The following DYNC2LI1 variants were observed in gnomAD, a reference collection of about 807,000 sequenced individuals.
DYNC2LI1 encodes cytoplasmic dynein 2 light intermediate chain 1.
In DYNC2LI1, 45 loss-of-function variants were observed where a neutral mutation model predicts 51.9. The ratio of observed to expected loss-of-function variants is 0.87; its 90% CI spans 0.68 to 1.11. The LOEUF (loss-of-function observed/expected upper bound fraction) is 1.11. Ranked by LOEUF, DYNC2LI1 falls within the 50% of genes most tolerant of loss-of-function variation. The pLI is 0.00. For synonymous variants in DYNC2LI1, 130 were observed against 137.8 expected, an observed-to-expected ratio of 0.94 and a Z score of 0.40; for missense variants, 490 against 417.4, an observed-to-expected ratio of 1.17 and a Z score of -1.51.
chr2:43,811,302 A>G (rs1476858736), downstream of DYNC2LI1, among the ~76,000 whole-genome samples: 1 of 152,244 alleles, frequency 6.6e-6, no homozygotes, highest in East Asian at 1.9e-4. Flanking sequence ...AAAATTGACA[A>G]TACTAGTCTG....
intron 5 of DYNC2LI1, chr2:43,793,326 T>G (rs1408959719): frequency 6.6e-6 from 1 of 152,084 alleles, no homozygotes; most frequent in Non-Finnish European, 1.5e-5. Context: ...ATACAAAAAT[T>G]AGCCGGATGT....
At chr2:43,792,567 A>G in intron 5 of DYNC2LI1, 1 of 1,128,018 alleles carries the variant, frequency 8.9e-7, no homozygotes, top group Non-Finnish European at 1.2e-6. Context: ...TGTGCAGTTC[A>G]GTAACATCAA....
the DYNC2LI1 span, among the ~76,000 whole-genome samples, chr2:43,819,042 A>C: frequency 6.6e-6 from 1 of 152,194 alleles, no homozygotes; most frequent in Non-Finnish European, 1.5e-5. Flanking sequence ...TTCTTATCTG[A>C]AAATGGATTG....
intron 5 of DYNC2LI1, chr2:43,793,207 C>T: frequency 6.5e-6 from 1 of 153,192 alleles, no homozygotes; most frequent in Non-Finnish European, 1.5e-5. Context: ...GGAGTGGTGG[C>T]TTACACCTGT....
At position 43,800,435 on chromosome 2, in the gene DYNC2LI1, A is replaced by G. The variant is rs1344486750; in HGVS notation, c.655-406A>G. 2.0e-5 allele frequency among the ~76,000 whole-genome samples: 3 copies of G among 152,330 alleles called. No individual in the cohort carries two copies. In the South Asian group the frequency reaches 6.2e-4, roughly 32 times the overall value. ...TGGATGTGAAAGCTACTTTTGAGGT[A>G]TACCTCTTATTTTCTAACCAACCCA... On this transcript the variant is annotated intron_variant, in intron 8 of 12. Coordinates refer to ENST00000260605, the MANE Select transcript of DYNC2LI1 (RefSeq NM_016008.4).
At chr2:43,794,767 G>C (rs1368965610) in intron 6 of DYNC2LI1, 124 bp downstream of exon 6, 1 of 1,540,840 alleles carries the variant, frequency 6.5e-7, no homozygotes, top group East Asian at 2.4e-5. Flanking sequence ...AGATGAACCT[G>C]TTCACTGGAA....
chr2:43,777,362 G>A (rs1203586996), intron 2 of DYNC2LI1, among the ~76,000 whole-genome samples: 1 of 152,152 alleles, frequency 6.6e-6, no homozygotes, highest in Non-Finnish European at 1.5e-5. Context: ...CCACTGATTG[G>A]TAGGAAGGGA....
the DYNC2LI1 span, chr2:43,827,902 G>T: frequency 6.3e-7 from 1 of 1,589,770 alleles, no homozygotes; most frequent in Non-Finnish European, 8.6e-7. Context: ...AATGAGGACC[G>T]TGAAGAAAGG....
At chr2:43,784,820 A>C (rs889381582) in intron 3 of DYNC2LI1, among the ~76,000 whole-genome samples, 10 of 152,172 alleles carry the variant, frequency 6.6e-5, no homozygotes, top group African/African-American at 1.9e-4. Context: ...AGATCTTATG[A>C]ATTTTGTCTT....
intron 11 of DYNC2LI1, 49 bp from the exon 12 acceptor site, chr2:43,805,105 T>G: frequency 8.1e-7 from 1 of 1,233,188 alleles, no homozygotes; most frequent in East Asian, 2.4e-5. Flanking sequence ...TGGTAGCCAT[T>G]GAATTTTGGT....
intron 8 of DYNC2LI1, 142 bp downstream of exon 8, chr2:43,796,937 C>G: frequency 3.1e-6 from 2 of 640,094 alleles, no homozygotes; most frequent in Non-Finnish European, 5.5e-6. Flanking sequence ...AAGACCTCTC[C>G]TTACAGAGTG....
chr2:43,781,421 G>A (rs1171874269), intron 2 of DYNC2LI1, among the ~76,000 whole-genome samples: 1 of 151,324 alleles, frequency 6.6e-6, no homozygotes, highest in Non-Finnish European at 1.5e-5. Context: ...GAATACTAGT[G>A]TACCATGAAA....
At chr2:43,822,613 C>G in the DYNC2LI1 span, 1 of 985,172 alleles carries the variant, frequency 1.0e-6, no homozygotes, top group Non-Finnish European at 1.2e-6. Context: ...TCCTGCAACC[C>G]ACAGTTGGGC....
intron 2 of DYNC2LI1, among the ~76,000 whole-genome samples, chr2:43,778,440 C>T (rs1673122148): frequency 6.6e-6 from 1 of 152,134 alleles, no homozygotes; most frequent in Non-Finnish European, 1.5e-5. Context: ...AGGCATGAGT[C>T]ACCGCCCCTG....
downstream of DYNC2LI1, among the ~76,000 whole-genome samples, chr2:43,811,532 T>G (rs888774336): frequency 6.6e-6 from 1 of 152,204 alleles, no homozygotes; most frequent in African/African-American, 2.4e-5. Flanking sequence ...GACAGTTTCA[T>G]TTCAGGTTTG....
chr2:43,776,665 G>T (rs548158834), intron 1 of DYNC2LI1, 117 bp from the exon 2 acceptor site: 1 of 548,240 alleles, frequency 1.8e-6, no homozygotes, highest in East Asian at 3.1e-5. Flanking sequence ...TTGTTCCTCA[G>T]AAAATAATGT....
chr2:43,797,515 CTT>C (rs557695536), intron 8 of DYNC2LI1, among the ~76,000 whole-genome samples: 8,670 of 109,638 alleles, frequency 0.079, 133 homozygotes, highest in Admixed American at 0.14. Flanking sequence ...AATATAACAA[CTT>C]TTTTTTTTTT....
At chr2:43,824,132 AC>A in the DYNC2LI1 span, 2 of 1,614,092 alleles carry the variant, frequency 1.2e-6, no homozygotes, top group East Asian at 2.2e-5. Flanking sequence ...AAAACAAACA[AC>A]CCTGTTTTAA....
chr2:43,809,770 C>T lies in DYNC2LI1; in HGVS notation c.*3C>T, dbSNP rs1282735689. 4.4e-6 allele frequency: 7 copies of T among 1,608,754 alleles called. No homozygotes were observed. The highest frequency in any genetic ancestry group is 5.1e-6 in the Non-Finnish European group (6 of 1,177,014). ...AACAAATCGAGCTTGATTCTTGAAC[C>T]TATTTCAATTATTGTATATTTATTT... On this transcript the variant is annotated 3_prime_UTR_variant, in exon 13 of 13. Transcript: ENST00000260605.
Sources: allele counts gnomAD v4.1 joint callset (sites outside exome capture counted in the v4.1 genomes callset), GRCh38; gene constraint gnomAD v4.1.1; transcripts MANE v1.5; gene names NCBI Gene and HGNC (gene_info 2026-07-23, HGNC 2026-07-21).